NUP85: variants seen among roughly 807,000 people sequenced by gnomAD.
NUP85 encodes the protein nucleoporin 85.
Under a neutral mutation model 92.8 loss-of-function variants are expected in NUP85, and 23 were observed. That is an observed-to-expected ratio of 0.25 (90% CI 0.18 to 0.35). The LOEUF (loss-of-function observed/expected upper bound fraction) is 0.35. NUP85 is among the 10% of genes least tolerant of loss of function. The probability of loss-of-function intolerance (pLI) is 1.00; values close to 1 mark genes in which losing one functional copy is unlikely to be tolerated. For synonymous variants in NUP85, 314 were observed against 306.9 expected, an observed-to-expected ratio of 1.02 and a Z score of -0.24; for missense variants, 759 against 822.8, an observed-to-expected ratio of 0.92 and a Z score of 0.95.
At chr17:75,214,695 A>G (rs1382440863) in intron 5 of NUP85, among the ~76,000 whole-genome samples, 4 of 151,914 alleles carry the variant, frequency 2.6e-5, no homozygotes, top group African/African-American at 9.7e-5. Context: ...CATCTCTACT[A>G]AAAATACAAT....
chr17:75,228,337 A>G (rs1188861751), intron 11 of NUP85: 26 of 985,290 alleles, frequency 2.6e-5, no homozygotes, highest in South Asian at 4.7e-5. Flanking sequence ...GCAGTCCCCC[A>G]GTCTCAGCCT....
intron 11 of NUP85, chr17:75,226,984 G>A: frequency 4.1e-6 from 1 of 245,114 alleles, no homozygotes; most frequent in East Asian, 1.3e-4. Flanking sequence ...TAGCAAGGCA[G>A]GAAAGGGAGT....
intron 3 of NUP85, 27 bp from the exon 4 acceptor site, chr17:75,211,965 T>C: frequency 6.4e-7 from 1 of 1,573,594 alleles, no homozygotes. Context: ...TCCAGGCTCA[T>C]CTTGTGTGTT....
intron 9 of NUP85, 51 bp downstream of exon 9, chr17:75,225,515 T>C (rs781103310): frequency 6.3e-7 from 1 of 1,598,306 alleles, no homozygotes; most frequent in Admixed American, 1.7e-5. Flanking sequence ...ATGGGGGCTG[T>C]GGCATCCAGT....
chr17:75,235,067 G>A (rs753037333), intron 17 of NUP85, 33 bp from the exon 18 acceptor site: 1 of 1,557,346 alleles, frequency 6.4e-7, no homozygotes, highest in East Asian at 2.2e-5. Flanking sequence ...CCAGGGCTGG[G>A]GGCAGCCAAG....
At chr17:75,235,042 C>T (rs2076277462) in intron 17 of NUP85, 58 bp from the exon 18 acceptor site, 2 of 1,422,768 alleles carry the variant, frequency 1.4e-6, no homozygotes, top group African/African-American at 1.4e-5. Flanking sequence ...GGGCCCCTGC[C>T]CCAACCAATG....
intron 11 of NUP85, among the ~76,000 whole-genome samples, chr17:75,229,947 G>T (rs1292334180): frequency 6.6e-6 from 1 of 152,014 alleles, no homozygotes; most frequent in Non-Finnish European, 1.5e-5. Context: ...GGAAGCTGAG[G>T]TGTCCTTTCC....
chr17:75,208,829 A>G (rs557175730), intron 2 of NUP85, among the ~76,000 whole-genome samples: 1 of 151,874 alleles, frequency 6.6e-6, no homozygotes, highest in African/African-American at 2.4e-5. Context: ...TGCAGCCTCT[A>G]CCTCTTGGGC....
Position 75,208,746 on chromosome 17 carries a change from C to G in NUP85, c.127+126C>G, listed in dbSNP as rs2075166498. 4.2e-6 allele frequency: 3 copies of G among 708,330 alleles called. No homozygotes were observed. In the East Asian group the frequency reaches 7.7e-5, roughly 18 times the overall value. 43.9% of individuals were successfully genotyped at this position (708,330 alleles called of 1,614,324 possible). A position where few individuals can be genotyped will look rare whatever the true frequency, so the allele number is the denominator to read the frequency against. On this transcript the variant is annotated intron_variant, in intron 2 of 18. Coordinates refer to ENST00000245544, the MANE Select transcript of NUP85 (RefSeq NM_024844.5). ...TTATTTTGTACTATTTTAATTTTCT[C>G]TATTTTGTTTTCAAGATACAACAGG...
rs1294689222 is a variant in NUP85, at chr17:75,209,904, A to T, written c.209A>T (p.Lys70Ile). 1.3e-6 allele frequency: 2 copies of T among 1,587,252 alleles called. No homozygotes were observed. The highest frequency in any genetic ancestry group is 2.7e-5 in the African/African-American group (2 of 72,736). ...DVDVYSQILR[K>I]LFNESHGIFL... Reference sequence around the variant, plus strand: ...GATGTTTACTCTCAAATCTTGAGAAAACTCTTCAATGAATCCCATGGAATC... The same window carrying T: ...GATGTTTACTCTCAAATCTTGAGAATACTCTTCAATGAATCCCATGGAATC... Residue 70 changes from lysine (K) to isoleucine (I), a missense_variant, in exon 3 of 19, where the codon AAA becomes ATA. Coordinates refer to ENST00000245544, the MANE Select transcript of NUP85 (RefSeq NM_024844.5).
chr17:75,218,913 A>G (rs1947460534), intron 7 of NUP85, among the ~76,000 whole-genome samples: 1 of 152,106 alleles, frequency 6.6e-6, no homozygotes, highest in South Asian at 2.1e-4. Context: ...ATGCCTGGGT[A>G]ATGATATAAA....
chr17:75,232,851 T>A lies in NUP85; in HGVS notation c.1397T>A (p.Val466Asp), dbSNP rs1330192328. Residue 466 changes from valine to aspartate, a missense_variant and splice_region_variant, in exon 15 of 19, where the codon GTT (valine) becomes GAT (aspartate). Physicochemically the swap from Val to Asp is radical, Grantham distance 152. Transcript: ENST00000245544. ...ICEQRQMTEQ[V>D]RSICKILAMK... Reference sequence around the variant, plus strand: ...TTACCTTTTCTTTTCCCCTGCAAAGTTCGCAGCATTTGTAAGATCTTAGCC... The same window carrying A: ...TTACCTTTTCTTTTCCCCTGCAAAGATCGCAGCATTTGTAAGATCTTAGCC... 1 of 1,613,802 alleles carries A rather than the reference T, an allele frequency of 6.2e-7. No homozygotes were observed. The highest frequency in any genetic ancestry group is 8.5e-7 in the Non-Finnish European group (1 of 1,179,814).
At chr17:75,233,704 T>C (rs1332107613) in intron 16 of NUP85, among the ~76,000 whole-genome samples, 4 of 152,032 alleles carry the variant, frequency 2.6e-5, no homozygotes, top group Non-Finnish European at 5.9e-5. Flanking sequence ...GTCCAAGCAA[T>C]TCTCCTGCCT....
At chr17:75,229,214 C>G in intron 11 of NUP85, 3 of 961,624 alleles carry the variant, frequency 3.1e-6, no homozygotes, top group Non-Finnish European at 3.7e-6. Context: ...GTATTTTGGC[C>G]CAGCCCACAA....
At chr17:75,227,725 C>T (rs957144108) in intron 11 of NUP85, among the ~76,000 whole-genome samples, 1 of 151,950 alleles carries the variant, frequency 6.6e-6, no homozygotes. Flanking sequence ...GCAGCCTTGA[C>T]CTCCTGGGTT....
rs906628300 is a variant in NUP85, at chr17:75,208,380, G to A, written c.34-147G>A. On this transcript the variant is annotated intron_variant, in intron 1 of 18. Coordinates refer to ENST00000245544, the MANE Select transcript of NUP85 (RefSeq NM_024844.5). Reference sequence around the variant, plus strand: ...GAAGCCTTTGAACCCAGGAGGCGGCGATTGGAGCAAGCTGAGATTACACCA... The same window carrying A: ...GAAGCCTTTGAACCCAGGAGGCGGCAATTGGAGCAAGCTGAGATTACACCA... 7.6e-5 allele frequency: 49 copies of A among 645,112 alleles called. 1 individual carries two copies. Among genetic ancestry groups the A allele is most frequent in the South Asian group, 1.5e-4 (8 of 51,904 alleles). The allele number at this position is 645,112 out of a possible 1,614,324, so 40.0% of individuals were successfully genotyped here. A position where few individuals can be genotyped will look rare whatever the true frequency, so the allele number is the denominator to read the frequency against.
At chr17:75,228,318 AT>A in intron 11 of NUP85, 1 of 985,408 alleles carries the variant, frequency 1.0e-6, no homozygotes, top group Non-Finnish European at 1.2e-6. Flanking sequence ...ACAAGGAATG[AT>A]TAGGCTTGCA....
At chr17:75,206,935 C>T (rs1361383916) in intron 1 of NUP85, among the ~76,000 whole-genome samples, 2 of 152,072 alleles carry the variant, frequency 1.3e-5, no homozygotes, top group Non-Finnish European at 1.5e-5. Context: ...TCTCAATCTC[C>T]TGACCTCGTG....
In NUP85 at chr17:75,212,259, T is replaced by G. The variant is rs1453033561; in HGVS notation, c.361+197T>G. Among the ~76,000 whole-genome samples the G allele has an allele frequency of 5.2e-3, 10 of 1,932 alleles. 1 individual carries two copies. Among genetic ancestry groups the G allele is most frequent in the African/African-American group, 6.9e-3 (10 of 1,452 alleles). 1.3% of individuals were successfully genotyped at this position (1,932 alleles called of 152,430 possible). On this transcript the variant is annotated intron_variant, in intron 4 of 18. Transcript: ENST00000245544. ...TTTTTTTGTTGTTGTTTTTTTTTTT[T>G]TTTTTTTTTTTTTTTTTTTTTTTTT...
Sources: allele counts gnomAD v4.1 joint callset (sites outside exome capture counted in the v4.1 genomes callset), GRCh38; gene constraint gnomAD v4.1.1; transcripts MANE v1.5; gene names NCBI Gene and HGNC (gene_info 2026-07-23, HGNC 2026-07-21).